ANKFN1: variants seen among roughly 807,000 people sequenced by gnomAD.
The protein encoded by ANKFN1 is ankyrin repeat and fibronectin type III domain containing 1.
In ANKFN1, 74 loss-of-function variants were observed where a neutral mutation model predicts 108.7. The ratio of observed to expected loss-of-function variants is 0.68; its 90% confidence interval spans 0.56 to 0.83. ANKFN1 has a LOEUF of 0.83. Among genes scored for constraint, ANKFN1 ranks in the 40% least tolerant of loss-of-function variants. The pLI, the probability that ANKFN1 is intolerant of heterozygous loss-of-function variation, is 0.00. For synonymous variants in ANKFN1, 547 were observed against 516.2 expected (o/e 1.06, Z -0.81); for missense variants, 1,505 against 1,382.3 (o/e 1.09, Z -1.41).
intron 4 of ANKFN1, among the ~76,000 whole-genome samples, chr17:56,113,911 C>G (rs951373085): frequency 2.0e-5 from 3 of 152,002 alleles, no homozygotes; most frequent in African/African-American, 7.3e-5. Context: ...TCCAATTAGC[C>G]AGAGGGGAAT....
At chr17:56,494,281 T>C (rs560513167) in intron 19 of ANKFN1, among the ~76,000 whole-genome samples, 5 of 152,328 alleles carry the variant, frequency 3.3e-5, no homozygotes, top group African/African-American at 1.2e-4. Flanking sequence ...GGTCTGAGAA[T>C]GTAGAATTTA....
chr17:56,456,891 A>G lies in ANKFN1; in HGVS notation c.1238A>G (p.Lys413Arg). The change falls in exon 12 of 21, where the codon AAG (lysine) becomes AGG (arginine). Residue 413 changes from lysine (K) to arginine (R), a missense_variant. Coordinates refer to ENST00000682825, the MANE Select transcript of ANKFN1 (RefSeq NM_001370326.1). ...ESTKLQTTGRKQSVSRSLKHL... is the reference protein window; with the variant it reads ...ESTKLQTTGRRQSVSRSLKHL... ...ACAAAATTACAAACCACAGGCCGCAAGCAGTCAGTCTCAAGAAGCCTGAAA... is the reference window on the plus strand; with the variant it reads ...ACAAAATTACAAACCACAGGCCGCAGGCAGTCAGTCTCAAGAAGCCTGAAA... 6.2e-7 allele frequency: 1 copy of G among 1,614,188 alleles called. No individual in the cohort carries two copies. The highest frequency in any genetic ancestry group is 8.5e-7 in the Non-Finnish European group (1 of 1,180,032).
chr17:56,255,274 A>AT lies in ANKFN1; in HGVS notation c.53+27318dup, dbSNP rs2043330319. On this transcript the variant is annotated intron_variant, in intron 3 of 20. Coordinates refer to ENST00000682825, the MANE Select transcript of ANKFN1 (RefSeq NM_001370326.1). ...CTGGAGGGAAGATTGGTGGCTTGGG[A>AT]TGCAGAGGGGATAGAGTCAGAAGTA... is the stretch of plus-strand genomic sequence containing the variant. Among the ~76,000 whole-genome samples, 3 of 152,298 alleles carry AT rather than the reference A, an allele frequency of 2.0e-5. No homozygotes were observed. The South Asian group carries it at 6.2e-4, about 32-fold the overall frequency.
intron 1 of ANKFN1, among the ~76,000 whole-genome samples, chr17:56,192,043 G>T (rs917018476): frequency 6.6e-6 from 1 of 151,796 alleles, no homozygotes; most frequent in African/African-American, 2.4e-5. Context: ...CGTAGTTCTC[G>T]AGCCTTGGTT....
intron 4 of ANKFN1, among the ~76,000 whole-genome samples, chr17:56,346,142 G>A (rs1001572268): frequency 6.6e-6 from 1 of 152,100 alleles, no homozygotes; most frequent in Non-Finnish European, 1.5e-5. Context: ...TTATTAAATA[G>A]GGAATCCTTT....
At chr17:56,349,209 A>C (rs2046184316) in intron 4 of ANKFN1, among the ~76,000 whole-genome samples, 1 of 152,140 alleles carries the variant, frequency 6.6e-6, no homozygotes, top group Non-Finnish European at 1.5e-5. Flanking sequence ...GAGGAACAAC[A>C]CATACTGGGT....
chr17:56,170,801 T>TACACACACACACACACACACAC (rs1224594065), intron 1 of ANKFN1, among the ~76,000 whole-genome samples: 20 of 64,194 alleles, frequency 3.1e-4, no homozygotes, highest in Non-Finnish European at 5.6e-4. Flanking sequence ...TATATATATA[T>TACACACACACACACACACACAC]ATATATACAC....
chr17:56,097,960 T>A (rs907544761), intron 4 of ANKFN1, among the ~76,000 whole-genome samples: 1 of 152,238 alleles, frequency 6.6e-6, no homozygotes, highest in Non-Finnish European at 1.5e-5. Context: ...GTGAATGTTA[T>A]CTTCTATAGA....
chr17:56,227,337 T>C (rs979277933), intron 2 of ANKFN1, among the ~76,000 whole-genome samples: 2 of 152,178 alleles, frequency 1.3e-5, no homozygotes, highest in African/African-American at 2.4e-5. Flanking sequence ...CCTCCCCTTT[T>C]ACCAACATCT....
At chr17:56,140,355 T>C (rs1479898603) in intron 4 of ANKFN1, among the ~76,000 whole-genome samples, 1 of 152,254 alleles carries the variant, frequency 6.6e-6, no homozygotes, top group African/African-American at 2.4e-5. Flanking sequence ...TCTTTCAGCT[T>C]GTTTTTCAGC....
intron 4 of ANKFN1, among the ~76,000 whole-genome samples, chr17:56,069,749 A>T (rs552994784): frequency 1.8e-4 from 28 of 152,320 alleles, no homozygotes; most frequent in African/African-American, 5.0e-4. Context: ...ACAAGAAAAA[A>T]TTCAGGGCGA....
At chr17:56,267,092 G>A (rs2043672747) in intron 3 of ANKFN1, among the ~76,000 whole-genome samples, 1 of 152,104 alleles carries the variant, frequency 6.6e-6, no homozygotes, top group Admixed American at 6.6e-5. Flanking sequence ...CCTCAAGTAG[G>A]CCCCAGTGTC....
rs539450537 is a variant in ANKFN1, at chr17:56,455,972, A to T, written c.1208-889A>T. 2.0e-5 allele frequency among the ~76,000 whole-genome samples: 3 copies of T among 152,330 alleles called. No homozygotes were observed. In the South Asian group the frequency reaches 6.2e-4, roughly 32 times the overall value. ...ATCCCTACACCCATTTTTGTAAACCAACATACACAATGAAGAAAAAAACTG... is the reference window on the plus strand; with the variant it reads ...ATCCCTACACCCATTTTTGTAAACCTACATACACAATGAAGAAAAAAACTG... On this transcript the variant is annotated intron_variant, in intron 11 of 20. Transcript: ENST00000682825.
At chr17:56,179,494 T>TA (rs34066706) in intron 1 of ANKFN1, among the ~76,000 whole-genome samples, 5 of 152,032 alleles carry the variant, frequency 3.3e-5, no homozygotes, top group African/African-American at 7.2e-5. Context: ...AGAGGGGGGA[T>TA]AAAAAAACAG....
At chr17:56,324,150 T>A (rs1352207548) in intron 3 of ANKFN1, among the ~76,000 whole-genome samples, 2 of 152,120 alleles carry the variant, frequency 1.3e-5, no homozygotes, top group African/African-American at 2.4e-5. Context: ...AGCTACAGCA[T>A]GGAATGCAAA....
intron 3 of ANKFN1, among the ~76,000 whole-genome samples, chr17:56,306,922 C>T (rs1160888581): frequency 1.3e-5 from 2 of 152,074 alleles, no homozygotes; most frequent in Non-Finnish European, 2.9e-5. Context: ...GAAATAATGC[C>T]GCATATCTAC....
chr17:56,276,282 C>T (rs2043931212), intron 3 of ANKFN1, among the ~76,000 whole-genome samples: 1 of 152,054 alleles, frequency 6.6e-6, no homozygotes, highest in African/African-American at 2.4e-5. Flanking sequence ...GAGTTGGTTC[C>T]AAGTCTTTGC....
intron 18 of ANKFN1, among the ~76,000 whole-genome samples, chr17:56,490,984 G>A (rs1316973275): frequency 1.3e-5 from 2 of 152,130 alleles, no homozygotes; most frequent in African/African-American, 2.4e-5. Flanking sequence ...GAATTGTAGG[G>A]TGGACAAAAA....
intron 8 of ANKFN1, among the ~76,000 whole-genome samples, chr17:56,420,491 T>C (rs2048365815): frequency 6.6e-6 from 1 of 152,188 alleles, no homozygotes; most frequent in African/African-American, 2.4e-5. Context: ...TCACTTGCAT[T>C]CTGATATACT....
Sources: allele counts gnomAD v4.1 joint callset (sites outside exome capture counted in the v4.1 genomes callset), GRCh38; gene constraint gnomAD v4.1.1; transcripts MANE v1.5; gene names NCBI Gene and HGNC (gene_info 2026-07-23, HGNC 2026-07-21).